Variants in DIAPH3 observed in about 807,000 individuals in gnomAD.
DIAPH3 encodes diaphanous related formin 3.
In DIAPH3, 117 loss-of-function variants were observed where a neutral mutation model predicts 144.3. The ratio of observed to expected loss-of-function variants is 0.81; its 90% CI spans 0.70 to 0.95. DIAPH3 has a LOEUF of 0.95. DIAPH3 is among the 40% of genes least tolerant of loss of function. The pLI is 0.00. For synonymous variants in DIAPH3, 519 were observed against 488.9 expected, an observed-to-expected ratio of 1.06 and a Z score of -0.81; for missense variants, 1,421 against 1,412.7, an observed-to-expected ratio of 1.01 and a Z score of -0.09.
At chr13:59,970,553 G>T (rs1360565631) in intron 16 of DIAPH3, among the ~76,000 whole-genome samples, 1 of 151,840 alleles carries the variant, frequency 6.6e-6, no homozygotes, top group African/African-American at 2.4e-5. Context: ...ATAAACATAG[G>T]ATTCACTGCA....
At position 59,665,749 on chromosome 13, in the gene DIAPH3, A is replaced by G. The variant is rs1357481267; in HGVS notation, c.*835T>C. 1 of 152,646 alleles carries G rather than the reference A, an allele frequency of 6.6e-6. No individual in the cohort carries two copies. The highest frequency in any genetic ancestry group is 1.5e-5 in the Non-Finnish European group (1 of 68,032). 9.5% of individuals were successfully genotyped at this position (152,646 alleles called of 1,614,324 possible). A position where few individuals can be genotyped will look rare whatever the true frequency, so the allele number is the denominator to read the frequency against. On this transcript the variant is annotated 3_prime_UTR_variant, in exon 28 of 28. Coordinates refer to ENST00000400324, the MANE Select transcript of DIAPH3 (RefSeq NM_001042517.2). Reference sequence around the variant, plus strand: ...TGATTGTCAGATCAGAGAAATTGCAATCCCAAGTTTATTCATAAAATAAAA... The same window carrying G: ...TGATTGTCAGATCAGAGAAATTGCAGTCCCAAGTTTATTCATAAAATAAAA...
At chr13:60,129,732 G>T (rs2059090691) in intron 2 of DIAPH3, among the ~76,000 whole-genome samples, 1 of 152,138 alleles carries the variant, frequency 6.6e-6, no homozygotes, top group Admixed American at 6.6e-5. Flanking sequence ...GTTGTAAGGG[G>T]GCAAACTTCA....
intron 27 of DIAPH3, among the ~76,000 whole-genome samples, chr13:59,763,828 G>A (rs1160073308): frequency 6.6e-6 from 1 of 151,962 alleles, no homozygotes; most frequent in Non-Finnish European, 1.5e-5. Flanking sequence ...TTCCTCAAAT[G>A]TTAGCTAATG....
At chr13:59,842,203 T>C (rs1323087793) in intron 22 of DIAPH3, among the ~76,000 whole-genome samples, 2 of 151,890 alleles carry the variant, frequency 1.3e-5, no homozygotes, top group East Asian at 1.9e-4. Context: ...TATATATAAC[T>C]TTTTATATAT....
chr13:59,716,179 C>CTT (rs3050150), intron 27 of DIAPH3, among the ~76,000 whole-genome samples: 116,595 of 151,574 alleles, frequency 0.77, 44,938 homozygotes, highest in East Asian at 0.88. Flanking sequence ...ATCCAAGAAA[C>CTT]TTATTTTTTT....
chr13:60,076,973 A>G (rs546105136), intron 4 of DIAPH3, among the ~76,000 whole-genome samples: 2 of 152,244 alleles, frequency 1.3e-5, no homozygotes, highest in South Asian at 2.1e-4. Flanking sequence ...CCTTTTTCAC[A>G]TAAGTAGACA....
chr13:59,903,310 G>C (rs966169061), intron 20 of DIAPH3, among the ~76,000 whole-genome samples: 8 of 152,158 alleles, frequency 5.3e-5, no homozygotes, highest in African/African-American at 1.9e-4. Context: ...TATTTAGTCT[G>C]GGAAAGTGTT....
chr13:59,919,972 T>C (rs1268642038), intron 18 of DIAPH3, among the ~76,000 whole-genome samples: 1 of 151,974 alleles, frequency 6.6e-6, no homozygotes, highest in African/African-American at 2.4e-5. Flanking sequence ...AGTTTATCAG[T>C]TTCAAATAAA....
intron 3 of DIAPH3, among the ~76,000 whole-genome samples, chr13:60,102,148 A>G (rs992634945): frequency 2.0e-5 from 3 of 152,140 alleles, no homozygotes; most frequent in Non-Finnish European, 1.5e-5. Context: ...ATCCAAAGAC[A>G]TTCCTATTCA....
chr13:59,945,084 C>T (rs1001859708), intron 17 of DIAPH3, among the ~76,000 whole-genome samples: 2 of 152,152 alleles, frequency 1.3e-5, no homozygotes, highest in Non-Finnish European at 2.9e-5. Flanking sequence ...TTTCAAAAAT[C>T]ATATACTCAT....
At chr13:59,955,145 C>T (rs1316540500) in intron 17 of DIAPH3, among the ~76,000 whole-genome samples, 3 of 150,114 alleles carry the variant, frequency 2.0e-5, no homozygotes, top group Non-Finnish European at 3.0e-5. Context: ...TGTATTTGTA[C>T]ATATGTATTT....
chr13:60,105,975 C>A (rs2058407701), intron 3 of DIAPH3, among the ~76,000 whole-genome samples: 1 of 152,036 alleles, frequency 6.6e-6, no homozygotes, highest in Admixed American at 6.6e-5. Context: ...ATGCATAAAT[C>A]TTTAACACCA....
At chr13:60,004,694 A>G (rs2052748530) in intron 9 of DIAPH3, among the ~76,000 whole-genome samples, 2 of 152,222 alleles carry the variant, frequency 1.3e-5, no homozygotes, top group Non-Finnish European at 2.9e-5. Context: ...ATGATGCTAA[A>G]ATAATCTTTC....
chr13:59,841,394 C>A (rs1482444082), intron 22 of DIAPH3, among the ~76,000 whole-genome samples: 1 of 151,806 alleles, frequency 6.6e-6, no homozygotes, highest in Non-Finnish European at 1.5e-5. Context: ...AGTTCAAGAC[C>A]AGCCTGGACA....
intron 20 of DIAPH3, among the ~76,000 whole-genome samples, chr13:59,882,907 C>A (rs1161670321): frequency 1.3e-5 from 2 of 152,100 alleles, no homozygotes; most frequent in East Asian, 3.9e-4. Context: ...GGGAGCAGTA[C>A]TCCTGTAACC....
At chr13:60,145,329 T>G (rs147934936) in intron 1 of DIAPH3, among the ~76,000 whole-genome samples, 3 of 152,316 alleles carry the variant, frequency 2.0e-5, no homozygotes, top group African/African-American at 7.2e-5. Context: ...GGATGATTAC[T>G]AAATGATAAC....
intron 12 of DIAPH3, among the ~76,000 whole-genome samples, chr13:59,987,733 G>A (rs538004692): frequency 6.6e-5 from 10 of 150,712 alleles, no homozygotes; most frequent in Middle Eastern, 3.4e-3. Context: ...TTGGAAAGCC[G>A]GTAATATGAA....
intron 17 of DIAPH3, among the ~76,000 whole-genome samples, chr13:59,952,042 G>T (rs2140443139): frequency 6.6e-6 from 1 of 152,162 alleles, no homozygotes; most frequent in African/African-American, 2.4e-5. Flanking sequence ...GATAAATCAT[G>T]GTATAAAACT....
chr13:59,916,642 A>AT (rs1292271076), intron 18 of DIAPH3, among the ~76,000 whole-genome samples: 1 of 152,162 alleles, frequency 6.6e-6, no homozygotes, highest in East Asian at 1.9e-4. Flanking sequence ...TTGTCTAAGC[A>AT]TATGTATTAT....
Sources: allele counts gnomAD v4.1 joint callset (sites outside exome capture counted in the v4.1 genomes callset), GRCh38; gene constraint gnomAD v4.1.1; transcripts MANE v1.5; gene names NCBI Gene and HGNC (gene_info 2026-07-23, HGNC 2026-07-21).